Variants in CCDC22 observed in about 807,000 individuals in gnomAD.
The protein encoded by CCDC22 is CCC complex scaffolding subunit CCDC22.
CCDC22 carries 4 observed loss-of-function variants against 53.1 expected under a neutral mutation model. The observed-to-expected ratio is 0.08, with a 90% CI of 0.04 to 0.17. CCDC22 has a LOEUF of 0.17. CCDC22 is among the 10% of genes least tolerant of loss of function. The pLI is 1.00. For missense variants in CCDC22, 458 were observed against 554.0 expected (o/e 0.83, Z 1.74); for synonymous variants, 222 against 224.4 (o/e 0.99, Z 0.10).
At chrX:49,243,223 G>A (rs202241592) in intron 5 of CCDC22, 39 bp downstream of exon 5, 24 of 1,196,206 alleles carry the variant, frequency 2.0e-5, no homozygotes, top group East Asian at 1.2e-4. Context: ...GGAGGAAGGT[G>A]GGGGGGAACC....
intron 2 of CCDC22, among the ~76,000 whole-genome samples, chrX:49,239,235 T>C (rs1201949454): frequency 1.8e-5 from 2 of 111,808 alleles, no homozygotes; most frequent in East Asian, 5.6e-4. Flanking sequence ...CACCTCAGCC[T>C]CCCAAAGTGT....
chrX:49,250,439 G>A lies in CCDC22; in HGVS notation c.*178G>A, dbSNP rs1557115273. The A allele has an allele frequency of 2.0e-6, 1 of 506,860 alleles. No individual in the cohort carries two copies. The highest frequency in any genetic ancestry group is 3.6e-6 in the Non-Finnish European group (1 of 281,538). The allele number at this position is 506,860 out of a possible 1,213,427, so 41.8% of individuals were successfully genotyped here. ...TATATGGGGTGATAGTCCAGCATGT[G>A]GGGAGCTCGGCTGCAGTTTATTGGG... On this transcript the variant is annotated 3_prime_UTR_variant, in exon 17 of 17. Coordinates refer to ENST00000376227, the MANE Select transcript of CCDC22 (RefSeq NM_014008.5).
chrX:49,241,822 C>G (rs1366232131), intron 2 of CCDC22, among the ~76,000 whole-genome samples, 194 bp from the exon 3 acceptor site: 2 of 111,693 alleles, frequency 1.8e-5, no homozygotes, highest in African/African-American at 6.5e-5. Flanking sequence ...GAGCTTTAAT[C>G]TTGTTTCTTG....
At chrX:49,248,955 A>ATG (rs781828071) in intron 13 of CCDC22, 31 bp downstream of exon 13, 29 of 1,196,589 alleles carry the variant, frequency 2.4e-5, no homozygotes, top group Non-Finnish European at 2.7e-5. Context: ...AGGGTGGGTC[A>ATG]TGTGGGCTGT....
At chrX:49,249,629 C>G (rs782741690) in intron 15 of CCDC22, 22 bp from the exon 16 acceptor site, 3 of 1,206,187 alleles carry the variant, frequency 2.5e-6, no homozygotes, top group Non-Finnish European at 3.4e-6. Context: ...GGGTGCAAGC[C>G]TTCTGCTCCT....
chrX:49,247,613 C>T (rs1557114447), intron 8 of CCDC22, 36 bp from the exon 9 acceptor site: 4 of 1,185,937 alleles, frequency 3.4e-6, no homozygotes, highest in Non-Finnish European at 4.5e-6. Flanking sequence ...TCTACTGGGC[C>T]TGACACCCCA....
At chrX:49,235,795 C>A in intron 1 of CCDC22, 109 bp downstream of exon 1, 2 of 567,939 alleles carry the variant, frequency 3.5e-6, no homozygotes, top group Non-Finnish European at 5.7e-6. Flanking sequence ...TTCAGGGCTC[C>A]AACTCCAGGA....
At chrX:49,236,203 C>CTT (rs57388689) in intron 1 of CCDC22, among the ~76,000 whole-genome samples, 3 of 96,760 alleles carry the variant, frequency 3.1e-5, no homozygotes, top group Admixed American at 1.1e-4. Context: ...ACCCAGGATT[C>CTT]TTTTTTTTTT....
chrX:49,241,767 A>G (rs1557113387), intron 2 of CCDC22, among the ~76,000 whole-genome samples: 1 of 111,368 alleles, frequency 9.0e-6, no homozygotes, highest in African/African-American at 3.3e-5. Flanking sequence ...AAAAGTACCC[A>G]TCTTTTCTTT....
chrX:49,247,736 G>T lies in CCDC22; in HGVS notation c.1060G>T (p.Asp354Tyr). Residue 354 changes from aspartate to tyrosine, a missense_variant, in exon 9 of 17, where the codon GAC (aspartate) becomes TAC (tyrosine). Asp to Tyr is a radical substitution (Grantham distance 160). Around this residue, in one of 4 missense-constraint regions of CCDC22, gnomAD observed 309 missense variants for 312.3 expected, o/e 0.99. Transcript: ENST00000376227. ...CCGCAGCATTGAGGAGGTTGAGGCC[G>T]ACATGAAGACCCTGGGCGTCAGCTT... The part of the protein sequence containing the change: ...VNRSIEEVEA[D>Y]MKTLGVSFVQ... 6 of 1,210,916 alleles carry T rather than the reference G, an allele frequency of 5.0e-6. No individual in the cohort carries two copies. The highest frequency in any genetic ancestry group is 6.7e-6 in the Non-Finnish European group (6 of 895,049).
chrX:49,235,647 C>A lies in CCDC22; in HGVS notation c.11C>A (p.Ala4Glu). The A allele has an allele frequency of 8.5e-7, 1 of 1,182,136 alleles. No homozygotes were observed. Residue 4 changes from alanine to glutamate, a missense_variant, in exon 1 of 17, where the codon GCG becomes GAG. Ala to Glu is a moderately radical substitution (Grantham distance 107). Transcript: ENST00000376227. ...CGACACGGCTCCACCATGGAGGAGG[C>A]GGACCGAATCCTCATCCATTCGCTG... is the stretch of plus-strand genomic sequence containing the variant. MEE[A>E]DRILIHSLRQ... is the part of the protein sequence containing the mutation.
rs782230894 is a variant in CCDC22 at position 49,243,002 on chromosome X, CT to C, written c.468+11del. 13 of 1,134,227 alleles carry C rather than the reference CT, an allele frequency of 1.1e-5. No individual in the cohort carries two copies. The highest frequency in any genetic ancestry group is 1.5e-5 in the Non-Finnish European group (13 of 849,881). 93.5% of individuals were successfully genotyped at this position (1,134,227 alleles called of 1,213,427 possible). A position where few individuals can be genotyped will look rare whatever the true frequency, so the allele number is the denominator to read the frequency against. Reference sequence around the variant, plus strand: ...GCTGCAGCACCTCCAGGTGAGACCCCTGACTCCCATGGATCTTCTCTTGTCC... The same window carrying C: ...GCTGCAGCACCTCCAGGTGAGACCCCGACTCCCATGGATCTTCTCTTGTCC... On this transcript the variant is annotated intron_variant, in intron 4 of 16. Coordinates refer to ENST00000376227, the MANE Select transcript of CCDC22 (RefSeq NM_014008.5).
intron 6 of CCDC22, among the ~76,000 whole-genome samples, chrX:49,245,194 T>C (rs2065983424): frequency 1.8e-5 from 2 of 109,384 alleles, no homozygotes; most frequent in Non-Finnish European, 3.8e-5. Context: ...ACCTCTGTAT[T>C]TGGCCCCCCT....
intron 6 of CCDC22, among the ~76,000 whole-genome samples, chrX:49,245,510 C>T (rs2065984992): frequency 9.0e-6 from 1 of 111,121 alleles, no homozygotes; most frequent in Admixed American, 9.6e-5. Flanking sequence ...ATAGCTAGGA[C>T]TACAGGCATG....
Position 49,249,691 on chromosome X carries a change from C to T in CCDC22, c.1736C>T (p.Thr579Ile), listed in dbSNP as rs1179683933. 8.3e-7 allele frequency: 1 copy of T among 1,208,660 alleles called. No homozygotes were observed. Among genetic ancestry groups the T allele is most frequent in the African/African-American group, 1.7e-5 (1 of 57,198 alleles). The change falls in exon 16 of 17, where the codon ACC becomes ATC. Residue 579 changes from threonine to isoleucine, a missense_variant. By Grantham distance (89) the Thr-to-Ile change is moderately conservative (BLOSUM62 -1). Around this residue, in one of 4 missense-constraint regions of CCDC22, gnomAD observed 46 missense variants for 52.3 expected, o/e 0.88. Transcript: ENST00000376227. ...QLIQTIEDTG[T>I]IMREVRDLEE... The stretch of plus-strand genomic sequence containing the variant: ...ATCCAGACCATCGAGGACACAGGCA[C>T]CATCATGCGGGAGGTTCGAGACCTC...
At chrX:49,240,755 A>G (rs1471893109) in intron 2 of CCDC22, among the ~76,000 whole-genome samples, 1 of 111,025 alleles carries the variant, frequency 9.0e-6, no homozygotes, top group Non-Finnish European at 1.9e-5. Context: ...CCACCTCCAT[A>G]TTTTGGCACC....
rs57477664 is a variant in CCDC22, at chrX:49,241,871, C to T, written c.229-145C>T. The T allele has an allele frequency of 9.6e-3, 5,433 of 568,546 alleles. 208 individuals carry two copies. The African/African-American group carries it at 0.11, about 12-fold the overall frequency. 46.9% of individuals were successfully genotyped at this position (568,546 alleles called of 1,213,427 possible). On this transcript the variant is annotated intron_variant, in intron 2 of 16. Transcript: ENST00000376227. ...TGACTATCATCACTCTGTGACTCCC[C>T]CCAGGGCCCAGAGGCCTTGGGGAGC... is the stretch of plus-strand genomic sequence containing the variant.
chrX:49,249,769 GA>G, intron 16 of CCDC22, 44 bp downstream of exon 16: 2 of 1,048,138 alleles, frequency 1.9e-6, no homozygotes, highest in Non-Finnish European at 2.7e-6. Flanking sequence ...GGGCCGGGGG[GA>G]CAGTTCCTCA....
In CCDC22 at chrX:49,247,558, G is replaced by C. The variant is rs587780297; in HGVS notation, c.972G>C (p.Gln324His). 8.4e-7 allele frequency: 1 copy of C among 1,196,043 alleles called. No homozygotes were observed. The highest frequency in any genetic ancestry group is 1.1e-6 in the Non-Finnish European group (1 of 888,166). ...CAGCCACCTCCCGGCGGCCTGAACAGGTGAGCAGAGTGGTTTGGAGGGGGG... is the reference window on the plus strand; with the variant it reads ...CAGCCACCTCCCGGCGGCCTGAACACGTGAGCAGAGTGGTTTGGAGGGGGG... ...DVPATSRRPE[Q>H]VTWAAQEQEL... is the part of the protein sequence containing the mutation. Residue 324 changes from glutamine (Q) to histidine (H), a missense_variant and splice_region_variant, in exon 8 of 17, where the codon CAG becomes CAC. By Grantham distance (24) the Gln-to-His change is conservative (BLOSUM62 0). Coordinates refer to ENST00000376227, the MANE Select transcript of CCDC22 (RefSeq NM_014008.5).
Sources: gnomAD v4.1 joint callset for allele counts (sites outside exome capture counted in the v4.1 genomes callset) on GRCh38, gnomAD v4.1.1 for gene constraint, gnomAD v4.1.1 regional missense constraint, MANE v1.5 for transcripts, NCBI Gene and HGNC (gene_info 2026-07-23, HGNC 2026-07-21) for gene names.